The following LCLAT1 variants were observed in gnomAD, a reference collection of about 807,000 sequenced individuals.
The protein encoded by LCLAT1 is lysocardiolipin acyltransferase 1, also known as 1-AGP acyltransferase 8.
A neutral mutation model predicts 30.7 loss-of-function variants in LCLAT1; 11 were observed. The observed-to-expected ratio is 0.36, with a 90% confidence interval of 0.23 to 0.59. The LOEUF (loss-of-function observed/expected upper bound fraction) is 0.59, where lower values mean the gene tolerates loss of function less well. LCLAT1 is among the 20% of genes least tolerant of loss of function. The probability of loss-of-function intolerance (pLI) is 0.77; values close to 1 mark genes in which losing one functional copy is unlikely to be tolerated. For missense variants in LCLAT1, 402 were observed against 458.6 expected, an observed-to-expected ratio of 0.88 and a Z score of 1.13; for synonymous variants, 155 against 151.3, an observed-to-expected ratio of 1.02 and a Z score of -0.18.
At chr2:30,639,606 A>T (rs1669204635) in intron 5 of LCLAT1, among the ~76,000 whole-genome samples, 1 of 152,148 alleles carries the variant, frequency 6.6e-6, no homozygotes, top group African/African-American at 2.4e-5. Context: ...GATGTTTTTT[A>T]AAATAAAAAA....
At chr2:30,633,470 C>G (rs1572722980) in intron 5 of LCLAT1, among the ~76,000 whole-genome samples, 3 of 152,080 alleles carry the variant, frequency 2.0e-5, no homozygotes, top group Admixed American at 6.6e-5. Context: ...GGGCGGATCA[C>G]GAGGTCAAGA....
chr2:30,506,865 T>A (rs957187206), intron 1 of LCLAT1, among the ~76,000 whole-genome samples: 1 of 152,132 alleles, frequency 6.6e-6, no homozygotes, highest in African/African-American at 2.4e-5. Context: ...ATTAATTAGC[T>A]CATAAATATT....
chr2:30,508,210 A>T (rs188406638), intron 1 of LCLAT1, among the ~76,000 whole-genome samples: 97 of 151,916 alleles, frequency 6.4e-4, no homozygotes, highest in African/African-American at 2.3e-3. Flanking sequence ...GTTTGAAAAA[A>T]TTTTTTCCCT....
intron 1 of LCLAT1, among the ~76,000 whole-genome samples, chr2:30,517,935 G>A (rs115405413): frequency 0.043 from 6,561 of 152,204 alleles, 498 homozygotes; most frequent in African/African-American, 0.15. Context: ...AGCCAAAAGC[G>A]CTGAGGCCAC....
At position 30,613,123 on chromosome 2, in the gene LCLAT1, T is replaced by G. The variant is rs138561478; in HGVS notation, c.629-26994T>G. On this transcript the variant is annotated intron_variant, in intron 5 of 5. Transcript: ENST00000379509. Reference sequence around the variant, plus strand: ...AGTGTGTTCAAAGAAGAACAAGAGATGCAGTGTGGCTAGACCAGATCAAGT... The same window carrying G: ...AGTGTGTTCAAAGAAGAACAAGAGAGGCAGTGTGGCTAGACCAGATCAAGT... Among the ~76,000 whole-genome samples, 36 of 152,148 alleles carry G rather than the reference T, an allele frequency of 2.4e-4. No individual in the cohort carries two copies. In the East Asian group the frequency reaches 6.2e-3, roughly 26 times the overall value.
intron 5 of LCLAT1, among the ~76,000 whole-genome samples, chr2:30,570,876 C>G (rs1462256320): frequency 6.6e-6 from 1 of 152,064 alleles, no homozygotes; most frequent in Non-Finnish European, 1.5e-5. Context: ...GAGGGCAACT[C>G]TCATTTCTGG....
intron 5 of LCLAT1, among the ~76,000 whole-genome samples, chr2:30,611,578 G>A (rs1352787414): frequency 6.6e-6 from 1 of 152,142 alleles, no homozygotes; most frequent in Admixed American, 6.6e-5. Context: ...TCAGAAGACA[G>A]TGGTGTGTAT....
chr2:30,516,693 A>G (rs764434379), intron 1 of LCLAT1, among the ~76,000 whole-genome samples: 1 of 152,196 alleles, frequency 6.6e-6, no homozygotes, highest in Non-Finnish European at 1.5e-5. Flanking sequence ...CTAAGAACAA[A>G]GACCCACCAG....
intron 1 of LCLAT1, among the ~76,000 whole-genome samples, chr2:30,469,301 A>T (rs1558457566): frequency 6.6e-6 from 1 of 152,006 alleles, no homozygotes. Context: ...GTCACATGTA[A>T]CAATCCCTTG....
chr2:30,634,004 T>C (rs1469225274), intron 5 of LCLAT1, among the ~76,000 whole-genome samples: 1 of 152,228 alleles, frequency 6.6e-6, no homozygotes, highest in Non-Finnish European at 1.5e-5. Flanking sequence ...CAGCTTGATG[T>C]GCTCAGAGAC....
intron 1 of LCLAT1, among the ~76,000 whole-genome samples, chr2:30,466,622 T>C (rs1682444991): frequency 6.6e-6 from 1 of 152,212 alleles, no homozygotes; most frequent in African/African-American, 2.4e-5. Flanking sequence ...TTTCTAAATA[T>C]TCTGTTGCAC....
At chr2:30,636,439 C>T (rs1407297590) in intron 5 of LCLAT1, among the ~76,000 whole-genome samples, 5 of 152,120 alleles carry the variant, frequency 3.3e-5, no homozygotes, top group Non-Finnish European at 4.4e-5. Flanking sequence ...ATTTAAGCCT[C>T]ACAACAACCT....
intron 1 of LCLAT1, among the ~76,000 whole-genome samples, chr2:30,470,393 T>C (rs758813881): frequency 1.3e-5 from 2 of 152,232 alleles, no homozygotes; most frequent in Non-Finnish European, 2.9e-5. Flanking sequence ...GCTCCTACTG[T>C]AATTCTGACC....
chr2:30,457,440 T>G (rs1001487774), intron 1 of LCLAT1, among the ~76,000 whole-genome samples: 2 of 152,262 alleles, frequency 1.3e-5, no homozygotes, highest in African/African-American at 4.8e-5. Flanking sequence ...TTTCATTGTT[T>G]TTGATGTATT....
intron 5 of LCLAT1, among the ~76,000 whole-genome samples, chr2:30,602,510 T>C (rs1290767102): frequency 6.6e-6 from 1 of 152,234 alleles, no homozygotes; most frequent in Non-Finnish European, 1.5e-5. Context: ...GAGATCCTGC[T>C]GTTGTTTGGC....
chr2:30,450,735 T>C (rs1396281006), intron 1 of LCLAT1, among the ~76,000 whole-genome samples: 1 of 152,044 alleles, frequency 6.6e-6, no homozygotes, highest in South Asian at 2.1e-4. Context: ...TTTCATGAAG[T>C]CAAAGCAAGG....
At chr2:30,449,409 A>G (rs1409134737) in intron 1 of LCLAT1, among the ~76,000 whole-genome samples, 2 of 152,194 alleles carry the variant, frequency 1.3e-5, no homozygotes, top group African/African-American at 4.8e-5. Context: ...GTGTGGTAAC[A>G]ATTACATTTA....
At chr2:30,591,690 T>C (rs1666698482) in intron 5 of LCLAT1, among the ~76,000 whole-genome samples, 1 of 152,164 alleles carries the variant, frequency 6.6e-6, no homozygotes, top group South Asian at 2.1e-4. Context: ...CATAGACATG[T>C]CTTCCCTAAT....
chr2:30,568,272 T>C (rs1316484028), intron 5 of LCLAT1, 96 bp downstream of exon 5: 2 of 594,498 alleles, frequency 3.4e-6, no homozygotes, highest in African/African-American at 1.9e-5. Flanking sequence ...GATTTTTTAC[T>C]ACTTTGTCTC....
Sources: allele counts gnomAD v4.1 joint callset (sites outside exome capture counted in the v4.1 genomes callset), GRCh38; gene constraint gnomAD v4.1.1; transcripts MANE v1.5; gene names NCBI Gene and HGNC (gene_info 2026-07-23, HGNC 2026-07-21).